Variants in USP42 observed in about 807,000 individuals in gnomAD.
USP42 encodes the protein ubiquitin specific peptidase 42.
In USP42, 23 loss-of-function variants were observed where a neutral mutation model predicts 113.0. The ratio of observed to expected loss-of-function variants is 0.20; its 90% CI spans 0.15 to 0.29. The LOEUF (loss-of-function observed/expected upper bound fraction) is 0.29. USP42 is among the 10% of genes least tolerant of loss of function. USP42 has a pLI of 1.00. For synonymous variants in USP42, 933 were observed against 699.0 expected (o/e 1.33, Z -5.28); for missense variants, 2,174 against 1,779.8 (o/e 1.22, Z -3.99).
At chr7:6,156,094 G>A (rs990291043) in intron 15 of USP42, among the ~76,000 whole-genome samples, 9 of 152,152 alleles carry the variant, frequency 5.9e-5, no homozygotes, top group African/African-American at 1.9e-4. Context: ...TGAAAATGAC[G>A]TATCCATGAT....
chr7:6,158,763 C>T lies in USP42; in HGVS notation c.3944-687C>T, dbSNP rs980526441. On this transcript the variant is annotated intron_variant, in intron 16 of 17. Coordinates refer to ENST00000306177, the MANE Select transcript of USP42 (RefSeq NM_032172.3). This position sits in a 1 kb window ranked among gnomAD's most constrained non-coding sequence, Gnocchi z 4.2. ...AGATTCGTGAGGGCTGCTTGGTACC[C>T]GAGGATCCGAGGATGCAGTGGATGG... Among the ~76,000 whole-genome samples, 2 of 152,148 alleles carry T rather than the reference C, an allele frequency of 1.3e-5. No individual in the cohort carries two copies. The highest frequency in any genetic ancestry group is 2.4e-5 in the African/African-American group (1 of 41,432).
chr7:6,119,959 TTTTTTGTTTTTG>T, intron 3 of USP42, among the ~76,000 whole-genome samples: 1 of 152,072 alleles, frequency 6.6e-6, no homozygotes, highest in East Asian at 1.9e-4. Context: ...GCCTCAGCCT[TTTTTTGTTTTTG>T]TTTTTGTTTT....
rs1008508710 is a variant in USP42 at position 6,156,799 on chromosome 7, C to T, written c.3687C>T (p.Asp1229=). ...TCTCAGCAGCGTGCTCTGACGCTGACCTCCACAGACACAAAAAAAAGAAGA... is the reference window on the plus strand; with the variant it reads ...TCTCAGCAGCGTGCTCTGACGCTGATCTCCACAGACACAAAAAAAAGAAGA... ...SDLSAACSDA[D]LHRHKKKKKK... is the part of the protein sequence containing the mutation. The change falls in exon 16 of 18, where the codon GAC becomes GAT. Residue 1229 remains aspartate (D), a synonymous_variant. Coordinates refer to ENST00000306177, the MANE Select transcript of USP42 (RefSeq NM_032172.3). The T allele has an allele frequency of 3.1e-5, 50 of 1,599,246 alleles. No individual in the cohort carries two copies. Among genetic ancestry groups the T allele is most frequent in the African/African-American group, 5.4e-5 (4 of 73,812 alleles).
At position 6,157,320 on chromosome 7, in the gene USP42, G is replaced by A. The variant is rs1001358450; in HGVS notation, c.3943+265G>A. 183 of 1,141,506 alleles carry A rather than the reference G, an allele frequency of 1.6e-4. No homozygotes were observed. The highest frequency in any genetic ancestry group is 1.9e-4 in the Non-Finnish European group (181 of 931,382). 70.7% of individuals were successfully genotyped at this position (1,141,506 alleles called of 1,614,324 possible). A position where few individuals can be genotyped will look rare whatever the true frequency, so the allele number is the denominator to read the frequency against. ...ACCTGTGTCACCAAAGCCCTGGAAC[G>A]TACAGCTCTAGGCATCTGACTTTGC... On this transcript the variant is annotated intron_variant, in intron 16 of 17. Transcript: ENST00000306177. The surrounding 1 kb of genome is among the most constrained non-coding windows in gnomAD (Gnocchi z 4.1).
chr7:6,155,332 G>C (rs1782384027), intron 15 of USP42, 137 bp downstream of exon 15: 2 of 1,384,182 alleles, frequency 1.4e-6, no homozygotes, highest in African/African-American at 2.9e-5. Flanking sequence ...TTTCATTTCT[G>C]TGGGTTTTGA....
chr7:6,089,602 G>A, the USP42 span, among the ~76,000 whole-genome samples: 18 of 144,344 alleles, frequency 1.2e-4, no homozygotes, highest in East Asian at 3.7e-3. Flanking sequence ...GTGCGATCTC[G>A]GCTCACTGCA....
At position 6,161,247 on chromosome 7, in the gene USP42, G is replaced by A. The variant is rs1583714186; in HGVS notation, c.*729G>A. 6.6e-6 allele frequency: 1 copy of A among 152,506 alleles called. No individual in the cohort carries two copies. Among genetic ancestry groups the A allele is most frequent in the Admixed American group, 6.5e-5 (1 of 15,268 alleles). 9.4% of individuals were successfully genotyped at this position (152,506 alleles called of 1,614,324 possible). On this transcript the variant is annotated 3_prime_UTR_variant, in exon 18 of 18. Transcript: ENST00000306177. ...AGCGTCTCTTGTCTTCACTGATACTGGAGTCTCCGTTGTCTGCTTGGTCCC... is the reference window on the plus strand; with the variant it reads ...AGCGTCTCTTGTCTTCACTGATACTAGAGTCTCCGTTGTCTGCTTGGTCCC...
intron 14 of USP42, among the ~76,000 whole-genome samples, chr7:6,152,418 C>G (rs979514666): frequency 6.6e-6 from 1 of 152,228 alleles, no homozygotes; most frequent in Non-Finnish European, 1.5e-5. Context: ...AGTTTTTACC[C>G]GCACGGTTGT....
At position 6,159,678 on chromosome 7, in the gene USP42, G is replaced by A. The variant is rs1462317754; in HGVS notation, c.*36+185G>A. ...GGCCACGCGCTTGGGGACAGACCTA[G>A]ACCCTCCACCTCATCACGTTTGCAT... On this transcript the variant is annotated intron_variant, in intron 17 of 17. Coordinates refer to ENST00000306177, the MANE Select transcript of USP42 (RefSeq NM_032172.3). The surrounding 1 kb of genome is among the most constrained non-coding windows in gnomAD (Gnocchi z 4.1). 6.6e-6 allele frequency among the ~76,000 whole-genome samples: 1 copy of A among 152,166 alleles called. No homozygotes were observed. The highest frequency in any genetic ancestry group is 1.5e-5 in the Non-Finnish European group (1 of 68,028).
At chr7:6,093,283 C>T in the USP42 span, among the ~76,000 whole-genome samples, 1 of 144,970 alleles carries the variant, frequency 6.9e-6, no homozygotes, top group African/African-American at 2.6e-5. Context: ...TTCTTTTCTT[C>T]TCTCTCTTTT....
intron 14 of USP42, 98 bp downstream of exon 14, chr7:6,150,604 A>G: frequency 9.5e-7 from 1 of 1,048,578 alleles, no homozygotes; most frequent in South Asian, 1.4e-5. Flanking sequence ...AAATTTTATA[A>G]TGAACATTTT....
intron 11 of USP42, 89 bp downstream of exon 11, chr7:6,146,337 TAAA>T (rs75745239): frequency 1.1e-4 from 66 of 625,368 alleles, no homozygotes; most frequent in South Asian, 1.2e-4. Context: ...TTCAGTGTTT[TAAA>T]AAAAAAAAAA....
intron 2 of USP42, among the ~76,000 whole-genome samples, chr7:6,112,481 G>GTAACACAAATGTTACATTTGTTATAA (rs1779651670): frequency 1.3e-5 from 2 of 152,096 alleles, no homozygotes; most frequent in East Asian, 3.9e-4. Context: ...AAGAGAGCAT[G>GTAACACAAATGTTACATTTGTTATAA]TAACACAAAT....
chr7:6,088,697 A>G, the USP42 span: 2 of 151,398 alleles, frequency 1.3e-5, no homozygotes, highest in Non-Finnish European at 2.9e-5. Context: ...CTAAACAGAA[A>G]GATTTCTTCT....
At chr7:6,153,695 CA>C in intron 14 of USP42, 60 bp from the exon 15 acceptor site, 3 of 1,406,556 alleles carry the variant, frequency 2.1e-6, no homozygotes, top group Non-Finnish European at 2.8e-6. Context: ...CCTTGTAATG[CA>C]ATGACATGAG....
At chr7:6,114,292 A>G (rs900136298) in intron 2 of USP42, among the ~76,000 whole-genome samples, 1 of 152,168 alleles carries the variant, frequency 6.6e-6, no homozygotes, top group Non-Finnish European at 1.5e-5. Context: ...GGCAGATGTT[A>G]CAAGGAATCA....
At chr7:6,131,510 A>G (rs1399412947) in intron 3 of USP42, among the ~76,000 whole-genome samples, 1 of 152,062 alleles carries the variant, frequency 6.6e-6, no homozygotes, top group African/African-American at 2.4e-5. Flanking sequence ...ACATCATAAT[A>G]TACAGAAAAA....
upstream of USP42, chr7:6,104,792 T>G (rs1309439629): frequency 6.6e-6 from 1 of 151,704 alleles, no homozygotes; most frequent in African/African-American, 2.4e-5. Context: ...ACACTCGCCG[T>G]GCTTGTTAGC....
At chr7:6,117,558 C>G (rs1397234393) in intron 3 of USP42, among the ~76,000 whole-genome samples, 1 of 152,196 alleles carries the variant, frequency 6.6e-6, no homozygotes, top group East Asian at 1.9e-4. Context: ...AGGTAAATAT[C>G]TAGGAGTAAA....
Sources: allele counts gnomAD v4.1 joint callset (sites outside exome capture counted in the v4.1 genomes callset), GRCh38; gene constraint gnomAD v4.1.1; non-coding constraint Gnocchi (gnomAD v3.1); transcripts MANE v1.5; gene names NCBI Gene and HGNC (gene_info 2026-07-23, HGNC 2026-07-21).